The following RABGAP1L variants were observed in gnomAD, a reference collection of about 807,000 sequenced individuals.
The protein encoded by RABGAP1L is rab GTPase-activating protein 1-like.
In RABGAP1L, 63 loss-of-function variants were observed where a neutral mutation model predicts 137.7. The ratio of observed to expected loss-of-function variants is 0.46; its 90% CI spans 0.37 to 0.56. RABGAP1L has a LOEUF of 0.56. Among genes scored for constraint, RABGAP1L ranks in the 20% least tolerant of loss-of-function variants. The pLI is 0.00. For synonymous variants in RABGAP1L, 431 were observed against 433.7 expected, an observed-to-expected ratio of 0.99 and a Z score of 0.08; for missense variants, 1,095 against 1,244.0, an observed-to-expected ratio of 0.88 and a Z score of 1.80.
intron 13 of RABGAP1L, among the ~76,000 whole-genome samples, chr1:174,575,171 C>T (rs1189381798): frequency 6.6e-6 from 1 of 152,140 alleles, no homozygotes; most frequent in Non-Finnish European, 1.5e-5. Flanking sequence ...CTCAGGTGAT[C>T]CACCCACCTC....
intron 13 of RABGAP1L, among the ~76,000 whole-genome samples, chr1:174,523,883 T>C (rs542965344): frequency 3.9e-5 from 6 of 152,326 alleles, no homozygotes; most frequent in East Asian, 1.9e-4. Context: ...TGAGAACATA[T>C]GGTATTTATC....
At chr1:174,280,301 T>G (rs1675406944) in intron 10 of RABGAP1L, among the ~76,000 whole-genome samples, 1 of 152,184 alleles carries the variant, frequency 6.6e-6, no homozygotes, top group Non-Finnish European at 1.5e-5. Flanking sequence ...ATTAGGTGAT[T>G]ACCTAATGCA....
chr1:174,588,869 C>T (rs1045762597), intron 13 of RABGAP1L, among the ~76,000 whole-genome samples: 3 of 152,110 alleles, frequency 2.0e-5, no homozygotes, highest in African/African-American at 7.2e-5. Context: ...ACTTAGGTTG[C>T]CTCCAAATCT....
At chr1:174,783,175 C>G (rs1687153097) in intron 18 of RABGAP1L, among the ~76,000 whole-genome samples, 1 of 152,226 alleles carries the variant, frequency 6.6e-6, no homozygotes, top group Non-Finnish European at 1.5e-5. Flanking sequence ...GCGCCCATTG[C>G]CCCTCCTGAT....
At chr1:174,858,317 A>T (rs1314124654) in intron 19 of RABGAP1L, among the ~76,000 whole-genome samples, 12 of 152,200 alleles carry the variant, frequency 7.9e-5, no homozygotes, top group Admixed American at 7.9e-4. Context: ...ACACTAGACC[A>T]GTAATTTTAA....
intron 13 of RABGAP1L, among the ~76,000 whole-genome samples, chr1:174,590,356 T>G (rs10465510): frequency 6.8e-6 from 1 of 147,732 alleles, no homozygotes; most frequent in Admixed American, 6.7e-5. Context: ...TTATTTATTT[T>G]TTTTTTATTA....
chr1:174,626,862 G>A (rs2148295094), intron 13 of RABGAP1L, among the ~76,000 whole-genome samples: 1 of 152,302 alleles, frequency 6.6e-6, no homozygotes, highest in East Asian at 1.9e-4. Flanking sequence ...CTGCTTTCAG[G>A]AACATGTTAG....
chr1:174,811,937 A>G lies in RABGAP1L; in HGVS notation c.2317A>G (p.Met773Val). The change falls in exon 19 of 26, where the codon ATG (methionine) becomes GTG (valine). Residue 773 changes from methionine to valine, a missense_variant. Met to Val is a conservative substitution (Grantham distance 21). This residue lies in a region of RABGAP1L where 312 missense variants were observed against 435.6 expected (regional missense o/e 0.72). Coordinates refer to ENST00000681986, the MANE Select transcript of RABGAP1L (RefSeq NM_001366446.1). ...GGCAGAGGAAAATGCAAGAAGACTG[A>G]TGGAGCAGGCTTGCAATATTAAAGT... ...YRAEENARRL[M>V]EQACNIKVPT... 6.2e-7 allele frequency: 1 copy of G among 1,605,778 alleles called. No homozygotes were observed. The highest frequency in any genetic ancestry group is 1.1e-5 in the South Asian group (1 of 88,986).
chr1:174,820,587 G>T (rs1234005648), intron 19 of RABGAP1L, among the ~76,000 whole-genome samples: 2 of 152,140 alleles, frequency 1.3e-5, no homozygotes, highest in Non-Finnish European at 2.9e-5. Flanking sequence ...CAAGAAAAGG[G>T]CCTGGGAGAA....
At chr1:174,423,375 A>G (rs1033534733) in intron 13 of RABGAP1L, among the ~76,000 whole-genome samples, 2 of 152,202 alleles carry the variant, frequency 1.3e-5, no homozygotes, top group Non-Finnish European at 2.9e-5. Context: ...TGAATCAACA[A>G]ATAATGAATG....
chr1:174,898,513 A>G (rs1362152582), intron 19 of RABGAP1L, among the ~76,000 whole-genome samples: 2 of 152,244 alleles, frequency 1.3e-5, no homozygotes, highest in African/African-American at 2.4e-5. Flanking sequence ...CGACAAATCT[A>G]TAATTAGAGT....
intron 13 of RABGAP1L, among the ~76,000 whole-genome samples, chr1:174,498,076 T>A (rs1572060130): frequency 6.6e-6 from 1 of 152,214 alleles, no homozygotes; most frequent in South Asian, 2.1e-4. Flanking sequence ...TTTTTAAAGT[T>A]CCAAATTATG....
Position 174,397,762 on chromosome 1 carries a change from C to T in RABGAP1L, c.1710+3617C>T, listed in dbSNP as rs1315881941. On this transcript the variant is annotated intron_variant, in intron 13 of 25. Coordinates refer to ENST00000681986, the MANE Select transcript of RABGAP1L (RefSeq NM_001366446.1). Reference sequence around the variant, plus strand: ...GGTAGCCAGACTTGAGGCTAAGAGCCCAGTCCTCCAGACTGCCAGCTTTGT... The same window carrying T: ...GGTAGCCAGACTTGAGGCTAAGAGCTCAGTCCTCCAGACTGCCAGCTTTGT... Among the ~76,000 whole-genome samples, 7 of 152,066 alleles carry T rather than the reference C, an allele frequency of 4.6e-5. No homozygotes were observed. The East Asian group carries it at 1.4e-3, about 29-fold the overall frequency.
intron 20 of RABGAP1L, 70 bp from the exon 21 acceptor site, chr1:174,969,207 C>T (rs2149363989): frequency 1.7e-6 from 2 of 1,187,834 alleles, no homozygotes; most frequent in Non-Finnish European, 2.4e-6. Flanking sequence ...GCTTGTTTTT[C>T]CTCACCAGTT....
intron 12 of RABGAP1L, among the ~76,000 whole-genome samples, chr1:174,389,615 C>A (rs1276123744): frequency 6.6e-6 from 1 of 152,062 alleles, no homozygotes; most frequent in African/African-American, 2.4e-5. Context: ...CTATTAAATT[C>A]AGTGAGAATG....
intron 13 of RABGAP1L, among the ~76,000 whole-genome samples, chr1:174,446,985 A>T (rs574413544): frequency 6.6e-6 from 1 of 152,220 alleles, no homozygotes; most frequent in Non-Finnish European, 1.5e-5. Context: ...TTACATATAT[A>T]TGTGAGATAT....
intron 11 of RABGAP1L, among the ~76,000 whole-genome samples, chr1:174,306,586 TC>T (rs1678274929): frequency 6.6e-6 from 1 of 152,240 alleles, no homozygotes; most frequent in African/African-American, 2.4e-5. Context: ...ATGAGAAGTT[TC>T]AAATGATCTC....
At chr1:174,283,334 AG>A (rs1558097794) in intron 10 of RABGAP1L, among the ~76,000 whole-genome samples, 1 of 151,864 alleles carries the variant, frequency 6.6e-6, no homozygotes, top group African/African-American at 2.4e-5. Context: ...TGAGCCCAGG[AG>A]GTTGAGGCTT....
chr1:174,453,329 A>G (rs572159139), intron 13 of RABGAP1L, among the ~76,000 whole-genome samples: 23 of 152,206 alleles, frequency 1.5e-4, no homozygotes, highest in Non-Finnish European at 3.1e-4. Context: ...GGGAGAAACA[A>G]TGATTAATAA....
Sources: allele counts gnomAD v4.1 joint callset (sites outside exome capture counted in the v4.1 genomes callset), GRCh38; gene constraint gnomAD v4.1.1; regional missense constraint gnomAD v4.1.1; transcripts MANE v1.5; gene names NCBI Gene and HGNC (gene_info 2026-07-23, HGNC 2026-07-21).